MYH11: variants seen among roughly 807,000 people sequenced by gnomAD.
MYH11 encodes the protein myosin heavy chain 11.
Under a neutral mutation model 246.6 loss-of-function variants are expected in MYH11, and 80 were observed. The observed-to-expected ratio is 0.32, with a 90% CI of 0.27 to 0.39. MYH11 has a LOEUF of 0.39. MYH11 is among the 10% of genes least tolerant of loss of function. The pLI, the probability that MYH11 is intolerant of heterozygous loss-of-function variation, is 1.00. For synonymous variants in MYH11, 1,071 were observed against 1,015.5 expected, an observed-to-expected ratio of 1.05 and a Z score of -1.04; for missense variants, 2,158 against 2,546.8, an observed-to-expected ratio of 0.85 and a Z score of 3.29.
At chr16:15,800,503 G>C (rs567146500) in intron 3 of MYH11, among the ~76,000 whole-genome samples, 1 of 150,946 alleles carries the variant, frequency 6.6e-6, no homozygotes, top group Admixed American at 6.6e-5. Context: ...TGGACGGATG[G>C]TTGGACGGAG....
Position 15,739,966 on chromosome 16 carries a change from TC to T in MYH11, c.2997+84del. On this transcript the variant is annotated intron_variant, in intron 23 of 40. Coordinates refer to ENST00000300036, the MANE Select transcript of MYH11 (RefSeq NM_002474.3). ...CCTGTTGGCCAGGCTAGTCTCAAAC[TC>T]CTGGCCTCAAGTGATCCACATACCT... is the stretch of plus-strand genomic sequence containing the variant. The T allele has an allele frequency of 2.8e-6, 4 of 1,446,082 alleles. No individual in the cohort carries two copies. In the South Asian group the frequency reaches 4.6e-5, roughly 17 times the overall value. 89.6% of individuals were successfully genotyped at this position (1,446,082 alleles called of 1,614,324 possible).
In MYH11 at chr16:15,703,310, A is replaced by G. The variant is rs1446568416; in HGVS notation, c.*681T>C. ...GGTGTGGAAACCAGGAGAGGGGGAA[A>G]GAATTCTCAAAGGCCTGACGTGAGA... On this transcript the variant is annotated 3_prime_UTR_variant, in exon 41 of 41. Coordinates refer to ENST00000300036, the MANE Select transcript of MYH11 (RefSeq NM_002474.3). 2 of 228,872 alleles carry G rather than the reference A, an allele frequency of 8.7e-6. No homozygotes were observed. Among genetic ancestry groups the G allele is most frequent in the Non-Finnish European group, 1.7e-5 (2 of 114,850 alleles). The allele number at this position is 228,872 out of a possible 1,614,324, so 14.2% of individuals were successfully genotyped here.
intron 1 of MYH11, among the ~76,000 whole-genome samples, chr16:15,853,684 G>A (rs2044386708): frequency 6.6e-6 from 1 of 152,152 alleles, no homozygotes; most frequent in African/African-American, 2.4e-5. Context: ...AGTGGAAGGA[G>A]AAGACCTAGA....
In MYH11 at chr16:15,784,736, A is replaced by G; in HGVS notation, c.633+1894T>C. ...GGGCCTTGCTGTGGTTGAACAACAC[A>G]GTATAAAACAAATGTCAGCGTTATT... On this transcript the variant is annotated intron_variant, in intron 5 of 40. Transcript: ENST00000300036. 1.2e-6 allele frequency: 2 copies of G among 1,613,838 alleles called. No individual in the cohort carries two copies. Among genetic ancestry groups the G allele is most frequent in the Admixed American group, 3.3e-5 (2 of 59,996 alleles).
intron 32 of MYH11, 173 bp downstream of exon 32, chr16:15,721,249 C>A: frequency 1.1e-6 from 1 of 944,100 alleles, no homozygotes; most frequent in Non-Finnish European, 1.6e-6. Flanking sequence ...GACCCATCCT[C>A]GACTGCCATT....
Position 15,736,053 on chromosome 16 carries a change from G to A in MYH11, c.3294-475C>T, listed in dbSNP as rs138832661. Reference sequence around the variant, plus strand: ...AGACTGGGGCTCTGCATCTGGTGGAGGTGGTGACCAGAGATCAAGGTGGGC... The same window carrying A: ...AGACTGGGGCTCTGCATCTGGTGGAAGTGGTGACCAGAGATCAAGGTGGGC... On this transcript the variant is annotated intron_variant, in intron 25 of 40. Transcript: ENST00000300036. Among the ~76,000 whole-genome samples, 397 of 152,336 alleles carry A rather than the reference G, an allele frequency of 2.6e-3. 4 individuals carry two copies. The highest frequency in any genetic ancestry group is 8.8e-3 in the African/African-American group (364 of 41,580).
intron 14 of MYH11, among the ~76,000 whole-genome samples, chr16:15,755,483 G>A (rs566568513): frequency 6.6e-6 from 1 of 152,268 alleles, no homozygotes; most frequent in South Asian, 2.1e-4. Context: ...AGGATTTAGA[G>A]TCTATACAAG....
chr16:15,717,517 G>A lies in MYH11; in HGVS notation c.5296-169C>T, dbSNP rs563938461. On this transcript the variant is annotated intron_variant, in intron 37 of 40. Transcript: ENST00000300036. ...TCCACTCAAGAGCTTCTTCCAGGCCGGGCGTGGTGGCGCACGCCTGTAATC... is the reference window on the plus strand; with the variant it reads ...TCCACTCAAGAGCTTCTTCCAGGCCAGGCGTGGTGGCGCACGCCTGTAATC... 41 of 681,442 alleles carry A rather than the reference G, an allele frequency of 6.0e-5. 1 individual carries two copies. Among genetic ancestry groups the A allele is most frequent in the South Asian group, 5.4e-4 (29 of 53,898 alleles). The allele number at this position is 681,442 out of a possible 1,614,324, so 42.2% of individuals were successfully genotyped here. A position where few individuals can be genotyped will look rare whatever the true frequency, so the allele number is the denominator to read the frequency against.
chr16:15,829,806 G>T (rs2043680230), intron 2 of MYH11, among the ~76,000 whole-genome samples: 1 of 152,164 alleles, frequency 6.6e-6, no homozygotes, highest in Non-Finnish European at 1.5e-5. Flanking sequence ...AACAGGGAGG[G>T]AAGGGAGGGA....
chr16:15,848,595 T>C (rs2044258309), intron 1 of MYH11, among the ~76,000 whole-genome samples: 1 of 152,090 alleles, frequency 6.6e-6, no homozygotes, highest in Non-Finnish European at 1.5e-5. Flanking sequence ...AGCTCTTCCG[T>C]GCATTGTGGG....
At chr16:15,754,166 G>C (rs1193501906) in intron 14 of MYH11, among the ~76,000 whole-genome samples, 1 of 152,152 alleles carries the variant, frequency 6.6e-6, no homozygotes, top group Non-Finnish European at 1.5e-5. Context: ...GCAGTGAGCT[G>C]AGATTGCGCC....
intron 25 of MYH11, among the ~76,000 whole-genome samples, chr16:15,736,896 G>C (rs2041134022): frequency 6.6e-6 from 1 of 152,154 alleles, no homozygotes; most frequent in African/African-American, 2.4e-5. Context: ...TGCAGTATTA[G>C]CATTAGTGTA....
At chr16:15,828,196 CAG>C (rs918043784) in intron 2 of MYH11, among the ~76,000 whole-genome samples, 3 of 152,222 alleles carry the variant, frequency 2.0e-5, no homozygotes, top group African/African-American at 4.8e-5. Context: ...ATCTACAAAA[CAG>C]GGAGGCATAC....
At chr16:15,813,403 A>AT (rs554267215) in intron 3 of MYH11, among the ~76,000 whole-genome samples, 44 of 151,556 alleles carry the variant, frequency 2.9e-4, no homozygotes, top group Middle Eastern at 3.4e-3. Context: ...TTATAATTTA[A>AT]TTTTTTTTTA....
At chr16:15,811,746 A>G (rs1436680299) in intron 3 of MYH11, among the ~76,000 whole-genome samples, 3 of 152,000 alleles carry the variant, frequency 2.0e-5, no homozygotes, top group Admixed American at 6.6e-5. Flanking sequence ...GGATCACTCC[A>G]CCCGCAGAGT....
chr16:15,808,263 T>C (rs989573527), intron 3 of MYH11, among the ~76,000 whole-genome samples: 5 of 152,258 alleles, frequency 3.3e-5, no homozygotes, highest in Admixed American at 3.3e-4. Flanking sequence ...CTAATGCCTG[T>C]TGAACTTGTC....
chr16:15,830,152 C>A (rs1457260491), intron 2 of MYH11, among the ~76,000 whole-genome samples: 1 of 150,912 alleles, frequency 6.6e-6, no homozygotes, highest in Non-Finnish European at 1.5e-5. Flanking sequence ...AAAAGACACA[C>A]AGGCCTGGGC....
At position 15,717,352 on chromosome 16, in the gene MYH11, G is replaced by A. The variant is rs183176702; in HGVS notation, c.5296-4C>T. The A allele has an allele frequency of 5.9e-3, 9,510 of 1,605,122 alleles. 76 individuals are homozygous for A. The highest frequency in any genetic ancestry group is 5.9e-3 in the Non-Finnish European group (6,908 of 1,179,876). On this transcript the variant is annotated splice_region_variant and splice_polypyrimidine_tract_variant and intron_variant, in intron 37 of 40. Coordinates refer to ENST00000300036, the MANE Select transcript of MYH11 (RefSeq NM_002474.3). ...GCTCGTTGCTGAGCTGCTCGGCCTG[G>A]GGAGGAGAGTGAAGGCCATGAGGCG... is the stretch of plus-strand genomic sequence containing the variant.
intron 16 of MYH11, 59 bp from the exon 17 acceptor site, chr16:15,748,227 C>T (rs566566659): frequency 1.9e-6 from 3 of 1,606,826 alleles, no homozygotes; most frequent in African/African-American, 1.3e-5. Flanking sequence ...CGCAGCAAAG[C>T]CCCAAACCTC....
Sources: gnomAD v4.1 joint callset for allele counts (sites outside exome capture counted in the v4.1 genomes callset) on GRCh38, gnomAD v4.1.1 for gene constraint, MANE v1.5 for transcripts, NCBI Gene and HGNC (gene_info 2026-07-23, HGNC 2026-07-21) for gene names.